The following LRIG1 variants were observed in gnomAD, a reference collection of about 807,000 sequenced individuals.
The protein encoded by LRIG1 is leucine-rich repeats and immunoglobulin-like domains protein 1.
Under a neutral mutation model 99.2 loss-of-function variants are expected in LRIG1, and 48 were observed. That is an observed-to-expected ratio of 0.48 (90% CI 0.38 to 0.62). The LOEUF (loss-of-function observed/expected upper bound fraction) is 0.62, where lower values mean the gene tolerates loss of function less well. LRIG1 is among the 20% of genes least tolerant of loss of function. The pLI is 0.00. For synonymous variants in LRIG1, 772 were observed against 596.1 expected (o/e 1.29, Z -4.30); for missense variants, 1,646 against 1,434.4 (o/e 1.15, Z -2.38).
intron 9 of LRIG1, among the ~76,000 whole-genome samples, chr3:66,402,144 C>G (rs1289633069): frequency 6.6e-6 from 1 of 152,150 alleles, no homozygotes; most frequent in East Asian, 1.9e-4. Context: ...TGCCATGGAG[C>G]CAGCTGGAAC....
intron 1 of LRIG1, among the ~76,000 whole-genome samples, chr3:66,490,844 G>C (rs986076574): frequency 6.6e-6 from 1 of 152,154 alleles, no homozygotes. Flanking sequence ...ATAGAAGATG[G>C]AAGTCATTCC....
At position 66,480,018 on chromosome 3, in the gene LRIG1, C is replaced by G. The variant is rs1426632183; in HGVS notation, c.219-17509G>C. The stretch of plus-strand genomic sequence containing the variant: ...ACAAAAACTTACGCACAAATGTTCA[C>G]AGCAGCATTGTTCATTACAGCCAAA... On this transcript the variant is annotated intron_variant, in intron 1 of 18. Coordinates refer to ENST00000273261, the MANE Select transcript of LRIG1 (RefSeq NM_015541.3). 3.3e-5 allele frequency among the ~76,000 whole-genome samples: 5 copies of G among 152,206 alleles called. No individual in the cohort carries two copies. In the East Asian group the frequency reaches 9.6e-4, roughly 29 times the overall value.
intron 3 of LRIG1, among the ~76,000 whole-genome samples, chr3:66,436,208 G>GT (rs1394292192): frequency 2.0e-5 from 3 of 152,192 alleles, no homozygotes; most frequent in African/African-American, 7.2e-5. Context: ...CTTGGCCAAG[G>GT]AAGACGTGCC....
intron 8 of LRIG1, chr3:66,406,302 G>A: frequency 5.1e-6 from 5 of 985,580 alleles, no homozygotes; most frequent in Non-Finnish European, 6.0e-6. Flanking sequence ...CAGGGACCCG[G>A]GGCTGTGGCT....
chr3:66,492,284 T>C (rs1471270818), intron 1 of LRIG1, among the ~76,000 whole-genome samples: 1 of 152,224 alleles, frequency 6.6e-6, no homozygotes, highest in Non-Finnish European at 1.5e-5. Flanking sequence ...TTCAGTGCAA[T>C]GTATGCTTTG....
intron 7 of LRIG1, among the ~76,000 whole-genome samples, chr3:66,408,284 T>C (rs1164845314): frequency 6.6e-6 from 1 of 152,154 alleles, no homozygotes; most frequent in Non-Finnish European, 1.5e-5. Context: ...CTTTCCCTCC[T>C]GGACAAATAA....
At chr3:66,381,661 C>T in intron 16 of LRIG1, 30 bp from the exon 17 acceptor site, 1 of 1,602,602 alleles carries the variant, frequency 6.2e-7, no homozygotes. Context: ...CGATTAGAAA[C>T]TCTGGGCTTG....
chr3:66,464,439 G>A (rs189718351), intron 1 of LRIG1, among the ~76,000 whole-genome samples: 4 of 151,086 alleles, frequency 2.6e-5, no homozygotes, highest in Admixed American at 6.6e-5. Flanking sequence ...GTGCAGACCC[G>A]TCTTCTCAGA....
At chr3:66,493,749 T>C (rs1423424273) in intron 1 of LRIG1, among the ~76,000 whole-genome samples, 1 of 151,484 alleles carries the variant, frequency 6.6e-6, no homozygotes. Context: ...TGAGTCTTGA[T>C]TGCACCACTG....
chr3:66,383,464 G>A (rs1701206313), intron 14 of LRIG1, 63 bp from the exon 15 acceptor site: 6 of 1,403,608 alleles, frequency 4.3e-6, no homozygotes, highest in African/African-American at 1.4e-5. Context: ...GCTCTGCCCG[G>A]TCTTCTGGAC....
chr3:66,479,888 T>C (rs555421601), intron 1 of LRIG1, among the ~76,000 whole-genome samples: 1 of 152,234 alleles, frequency 6.6e-6, no homozygotes, highest in East Asian at 1.9e-4. Context: ...GGAAACAGTC[T>C]AGCAGTTCCT....
intron 12 of LRIG1, chr3:66,387,299 C>A (rs1158721728): frequency 6.6e-6 from 1 of 151,882 alleles, no homozygotes; most frequent in Non-Finnish European, 1.5e-5. Flanking sequence ...AGGTGCAAGG[C>A]CATGTGCACA....
chr3:66,401,903 G>A (rs1480370326), intron 9 of LRIG1, among the ~76,000 whole-genome samples: 2 of 152,142 alleles, frequency 1.3e-5, no homozygotes, highest in Non-Finnish European at 2.9e-5. Flanking sequence ...AAATCAAGTG[G>A]CAGGTACTGG....
intron 3 of LRIG1, among the ~76,000 whole-genome samples, chr3:66,430,841 C>A (rs1311646736): frequency 1.3e-5 from 2 of 152,300 alleles, no homozygotes; most frequent in East Asian, 3.9e-4. Context: ...GTATTTATCG[C>A]TTTTGCTCAG....
intron 3 of LRIG1, among the ~76,000 whole-genome samples, chr3:66,436,596 A>T (rs1703366575): frequency 6.6e-6 from 1 of 152,134 alleles, no homozygotes; most frequent in East Asian, 1.9e-4. Flanking sequence ...AAGACATACA[A>T]CGCAGAGCCC....
At chr3:66,417,985 A>G (rs13069430) in intron 3 of LRIG1, among the ~76,000 whole-genome samples, 29,037 of 152,146 alleles carry the variant, frequency 0.19, 2,873 homozygotes, top group Admixed American at 0.26. Flanking sequence ...GGGACGATCC[A>G]GCCTAAAACC....
chr3:66,473,073 G>C (rs1038010125), intron 1 of LRIG1, among the ~76,000 whole-genome samples: 4 of 152,138 alleles, frequency 2.6e-5, no homozygotes, highest in African/African-American at 9.7e-5. Flanking sequence ...TAAAGAGACT[G>C]AGAAGGGCAA....
At chr3:66,408,567 T>A (rs1702358053) in intron 7 of LRIG1, among the ~76,000 whole-genome samples, 1 of 152,168 alleles carries the variant, frequency 6.6e-6, no homozygotes, top group African/African-American at 2.4e-5. Flanking sequence ...GAAGACAGCA[T>A]GCCATCCCTG....
At chr3:66,425,441 A>G (rs930287756) in intron 3 of LRIG1, among the ~76,000 whole-genome samples, 4 of 152,220 alleles carry the variant, frequency 2.6e-5, no homozygotes, top group Non-Finnish European at 4.4e-5. Flanking sequence ...TCAAGTTTTT[A>G]CTTTGAATGT....
Sources: allele counts gnomAD v4.1 joint callset (sites outside exome capture counted in the v4.1 genomes callset), GRCh38; gene constraint gnomAD v4.1.1; transcripts MANE v1.5; gene names NCBI Gene and HGNC (gene_info 2026-07-23, HGNC 2026-07-21).